AFF3: variants seen among roughly 807,000 people sequenced by gnomAD.
AFF3 encodes ALF transcription elongation factor 3.
AFF3 carries 32 observed loss-of-function variants against 129.7 expected under a neutral mutation model. The ratio of observed to expected loss-of-function variants is 0.25; its 90% CI spans 0.19 to 0.33. The LOEUF (loss-of-function observed/expected upper bound fraction) is 0.33. Among genes scored for constraint, AFF3 ranks in the 10% least tolerant of loss-of-function variants. The pLI, the probability that AFF3 is intolerant of heterozygous loss-of-function variation, is 1.00. For missense variants in AFF3, 1,373 were observed against 1,592.0 expected, an observed-to-expected ratio of 0.86 and a Z score of 2.34; for synonymous variants, 644 against 635.4, an observed-to-expected ratio of 1.01 and a Z score of -0.20.
In AFF3 at chr2:99,606,783, A is replaced by G. The variant is rs951391487; in HGVS notation, c.1185-5162T>C. 2.9e-4 allele frequency among the ~76,000 whole-genome samples: 44 copies of G among 152,002 alleles called. 1 individual carries two copies. The highest frequency in any genetic ancestry group is 8.3e-4 in the South Asian group (4 of 4,812). ...CAAAAAGTTAGCCAGACATGGTGGC[A>G]GGCACCTGTAGTCCCAGCTACTCAG... On this transcript the variant is annotated intron_variant, in intron 13 of 24. Transcript: ENST00000672756.
intron 4 of AFF3, among the ~76,000 whole-genome samples, chr2:100,100,541 T>C (rs1690649373): frequency 6.6e-6 from 1 of 152,326 alleles, no homozygotes; most frequent in East Asian, 1.9e-4. Flanking sequence ...CCTCTTTCCA[T>C]CCTCCACCCA....
At chr2:99,681,393 A>G (rs1674512295) in intron 11 of AFF3, among the ~76,000 whole-genome samples, 1 of 152,156 alleles carries the variant, frequency 6.6e-6, no homozygotes, top group African/African-American at 2.4e-5. Context: ...TATGGGCCTT[A>G]CCCCCTGGGA....
chr2:100,133,792 G>C (rs1408715670), intron 1 of AFF3, among the ~76,000 whole-genome samples: 1 of 152,116 alleles, frequency 6.6e-6, no homozygotes, highest in African/African-American at 2.4e-5. Context: ...AATTACCCAG[G>C]CATGGTGGCG....
chr2:99,876,951 G>C lies in AFF3; in HGVS notation c.874-39427C>G, dbSNP rs148459077. ...AAGAAGGAAAATTGCTTAAAGTCGA[G>C]TTGGATTTTATAGTGGCAAAAGAGT... On this transcript the variant is annotated intron_variant, in intron 7 of 24. Transcript: ENST00000672756. Among the ~76,000 whole-genome samples the C allele has an allele frequency of 1.2e-4, 18 of 152,326 alleles. No individual in the cohort carries two copies. In the East Asian group the frequency reaches 3.5e-3, roughly 29 times the overall value.
intron 15 of AFF3, among the ~76,000 whole-genome samples, chr2:99,588,844 C>T (rs1330162661): frequency 6.6e-6 from 1 of 152,138 alleles, no homozygotes; most frequent in African/African-American, 2.4e-5. Context: ...GGTACTAATG[C>T]CCAGAATACC....
intron 8 of AFF3, among the ~76,000 whole-genome samples, chr2:99,835,433 C>T (rs889255583): frequency 6.6e-6 from 1 of 152,030 alleles, no homozygotes; most frequent in African/African-American, 2.4e-5. Context: ...CTGGTGCTTG[C>T]GTTTGGAGGT....
At chr2:100,038,396 A>T (rs557273201) in intron 4 of AFF3, among the ~76,000 whole-genome samples, 1 of 152,132 alleles carries the variant, frequency 6.6e-6, no homozygotes, top group South Asian at 2.1e-4. Context: ...GGGCTCATTT[A>T]TAAAAAAGAG....
intron 11 of AFF3, among the ~76,000 whole-genome samples, chr2:99,717,300 AAC>A (rs1211482111): frequency 6.6e-6 from 1 of 152,234 alleles, no homozygotes; most frequent in Admixed American, 6.5e-5. Context: ...ATAAGAAACA[AAC>A]AGTTTTCAAA....
chr2:99,586,092 C>T (rs1174002089), intron 16 of AFF3, among the ~76,000 whole-genome samples: 2 of 152,236 alleles, frequency 1.3e-5, no homozygotes, highest in African/African-American at 4.8e-5. Context: ...TTCCTCACTG[C>T]TTAGAAATTC....
chr2:99,809,285 G>C (rs968062961), intron 8 of AFF3, among the ~76,000 whole-genome samples: 1 of 152,184 alleles, frequency 6.6e-6, no homozygotes, highest in Non-Finnish European at 1.5e-5. Context: ...AAGAAGAGAA[G>C]AACAAGGAGC....
intron 1 of AFF3, among the ~76,000 whole-genome samples, chr2:100,131,049 A>C (rs11886901): frequency 0.038 from 5,744 of 152,274 alleles, 376 homozygotes; most frequent in African/African-American, 0.13. Flanking sequence ...TATAAACACC[A>C]TACTTAAAAC....
intron 7 of AFF3, among the ~76,000 whole-genome samples, chr2:99,880,017 A>G (rs888350999): frequency 1.3e-5 from 2 of 152,252 alleles, no homozygotes; most frequent in Admixed American, 6.5e-5. Context: ...AGCCAGACCA[A>G]TAAGTCAAAG....
At chr2:99,841,777 C>T (rs1689335714) in intron 7 of AFF3, among the ~76,000 whole-genome samples, 1 of 152,194 alleles carries the variant, frequency 6.6e-6, no homozygotes, top group Non-Finnish European at 1.5e-5. Context: ...CAGCAAGACA[C>T]AGTTGAGGCA....
At chr2:99,965,927 T>C (rs1677698046) in intron 7 of AFF3, among the ~76,000 whole-genome samples, 1 of 152,240 alleles carries the variant, frequency 6.6e-6, no homozygotes, top group Non-Finnish European at 1.5e-5. Context: ...ACTATATATA[T>C]TAACACAAAT....
rs542950131 is a variant in AFF3, at chr2:99,799,923, C to G, written c.921+37554G>C. ...TGCAAAAGTTGAATTTCCATCCACA[C>G]TTCACAATGAATCTTAAACCCAAAT... is the stretch of plus-strand genomic sequence containing the variant. On this transcript the variant is annotated intron_variant, in intron 8 of 24. Coordinates refer to ENST00000672756, the MANE Select transcript of AFF3 (RefSeq NM_001386135.1). 7.9e-5 allele frequency among the ~76,000 whole-genome samples: 12 copies of G among 152,260 alleles called. 1 individual carries two copies. The highest frequency in any genetic ancestry group is 2.6e-4 in the Admixed American group (4 of 15,288).
At chr2:100,092,490 G>A (rs1248789398) in intron 4 of AFF3, among the ~76,000 whole-genome samples, 1 of 152,100 alleles carries the variant, frequency 6.6e-6, no homozygotes, top group African/African-American at 2.4e-5. Context: ...TGACCATTTT[G>A]CTCCCCTGCT....
rs150618771 is a variant in AFF3 at position 100,079,210 on chromosome 2, T to C, written c.53+25192A>G. ...ATTCGCCTGCCTCAGCCTCCCAAAG[T>C]GCTGGGATTACAGGCATGAGCCACA... On this transcript the variant is annotated intron_variant, in intron 4 of 24. Transcript: ENST00000672756. Among the ~76,000 whole-genome samples the C allele has an allele frequency of 8.2e-3, 1,246 of 152,266 alleles. 15 individuals are homozygous for C. Among genetic ancestry groups the C allele is most frequent in the South Asian group, 0.031 (150 of 4,822 alleles).
chr2:99,743,449 AGT>A (rs1200290632), intron 10 of AFF3, among the ~76,000 whole-genome samples: 1 of 152,218 alleles, frequency 6.6e-6, no homozygotes, highest in Non-Finnish European at 1.5e-5. Flanking sequence ...AGTCTTTGTG[AGT>A]GTGCTTTTAG....
chr2:99,620,017 G>A (rs1327019233), intron 13 of AFF3, among the ~76,000 whole-genome samples: 1 of 152,234 alleles, frequency 6.6e-6, no homozygotes. Flanking sequence ...AGTGATGGAT[G>A]ACTGCTGAGC....
Sources: gnomAD v4.1 joint callset for allele counts (sites outside exome capture counted in the v4.1 genomes callset) on GRCh38, gnomAD v4.1.1 for gene constraint, MANE v1.5 for transcripts, NCBI Gene and HGNC (gene_info 2026-07-23, HGNC 2026-07-21) for gene names.